Variants in IMPG2 observed in about 807,000 individuals in gnomAD.
IMPG2 encodes IPM 200.
In IMPG2, 91 loss-of-function variants were observed where a neutral mutation model predicts 129.2. That is an observed-to-expected ratio of 0.70 (90% CI 0.59 to 0.84). IMPG2 has a LOEUF of 0.84. Ranked by LOEUF, IMPG2 falls within the 40% of genes least tolerant of loss-of-function variation. The probability of loss-of-function intolerance (pLI) is 0.00; values close to 1 mark genes in which losing one functional copy is unlikely to be tolerated. For missense variants in IMPG2, 1,430 were observed against 1,461.7 expected (o/e 0.98, Z 0.35); for synonymous variants, 510 against 517.7 (o/e 0.99, Z 0.20).
At chr3:101,280,503 C>T (rs1284296566) in intron 4 of IMPG2, among the ~76,000 whole-genome samples, 1 of 152,062 alleles carries the variant, frequency 6.6e-6, no homozygotes, top group African/African-American at 2.4e-5. Flanking sequence ...TCCACGTCTG[C>T]CTATTTCAAG....
intron 4 of IMPG2, among the ~76,000 whole-genome samples, chr3:101,279,963 C>T (rs1036076131): frequency 3.9e-5 from 6 of 152,216 alleles, no homozygotes; most frequent in African/African-American, 1.4e-4. Context: ...AAGTATTCCC[C>T]CTGCAGAGAT....
intron 14 of IMPG2, among the ~76,000 whole-genome samples, chr3:101,234,282 A>T (rs1706322840): frequency 6.6e-6 from 1 of 151,626 alleles, no homozygotes. Flanking sequence ...AGACAAAGGC[A>T]GATATTAGAG....
chr3:101,230,970 C>T lies in IMPG2; in HGVS notation c.3409G>A (p.Glu1137Lys). ...LQAHHDRSER[E>K]SPFSGSSRQP... ...TTCCTTATTTACCTGAAGGGACTCT[C>T]TCTTTCACTCCTGTCATGGTGTGCT... is the stretch of plus-strand genomic sequence containing the variant. The change falls in exon 16 of 19, where the codon GAG (glutamate) becomes AAG (lysine). Residue 1137 changes from glutamate (E) to lysine (K), a missense_variant. Glu to Lys is a moderately conservative substitution (Grantham distance 56). Coordinates refer to ENST00000193391, the MANE Select transcript of IMPG2 (RefSeq NM_016247.4). 1.9e-6 allele frequency: 3 copies of T among 1,613,116 alleles called. No individual in the cohort carries two copies. Among genetic ancestry groups the T allele is most frequent in the Non-Finnish European group, 2.5e-6 (3 of 1,179,086 alleles).
intron 4 of IMPG2, among the ~76,000 whole-genome samples, chr3:101,290,191 C>T (rs1706990326): frequency 6.6e-6 from 1 of 152,056 alleles, no homozygotes; most frequent in African/African-American, 2.4e-5. Flanking sequence ...TCTCTGAGCT[C>T]TGCCTCTCTG....
At chr3:101,300,874 G>C (rs1201352088) in intron 3 of IMPG2, among the ~76,000 whole-genome samples, 1 of 152,212 alleles carries the variant, frequency 6.6e-6, no homozygotes, top group Non-Finnish European at 1.5e-5. Flanking sequence ...TTTGGTGCAA[G>C]AGACCTAGCT....
chr3:101,283,059 G>A (rs532156024), intron 4 of IMPG2, among the ~76,000 whole-genome samples: 11 of 152,290 alleles, frequency 7.2e-5, no homozygotes, highest in African/African-American at 2.6e-4. Flanking sequence ...TCACTCTGTT[G>A]TTGCCCAGGC....
intron 10 of IMPG2, among the ~76,000 whole-genome samples, chr3:101,256,632 G>A (rs114173048): frequency 0.021 from 3,210 of 152,162 alleles, 54 homozygotes; most frequent in Non-Finnish European, 0.029. Flanking sequence ...GGAAGGACAG[G>A]ACAGAGGCTC....
chr3:101,256,178 AAAGAAAGAAAG>A (rs1706602438), intron 10 of IMPG2, among the ~76,000 whole-genome samples: 1 of 149,704 alleles, frequency 6.7e-6, no homozygotes, highest in African/African-American at 2.5e-5. Context: ...AGAAAGAAAG[AAAGAAAGAAAG>A]AAAGAAAGAA....
chr3:101,274,055 T>C (rs1352695019), intron 6 of IMPG2, among the ~76,000 whole-genome samples: 1 of 152,112 alleles, frequency 6.6e-6, no homozygotes, highest in Non-Finnish European at 1.5e-5. Context: ...TAGCTGGGCA[T>C]GGTAGTATGC....
Position 101,223,805 on chromosome 3 carries a change from G to A in IMPG2, c.*3164C>T, listed in dbSNP as rs538826123. ...AATGCAGAAGAAGAAAACAGAAGGT[G>A]AGAATAAAATCAGGTAAAGCCTGCA... On this transcript the variant is annotated 3_prime_UTR_variant, in exon 19 of 19. Coordinates refer to ENST00000193391, the MANE Select transcript of IMPG2 (RefSeq NM_016247.4). 2 of 152,288 alleles carry A rather than the reference G, an allele frequency of 1.3e-5. No homozygotes were observed. The highest frequency in any genetic ancestry group is 2.4e-5 in the African/African-American group (1 of 41,560). 9.4% of individuals were successfully genotyped at this position (152,288 alleles called of 1,614,324 possible).
intron 9 of IMPG2, 44 bp from the exon 10 acceptor site, chr3:101,257,817 C>T: frequency 6.2e-7 from 1 of 1,608,906 alleles, no homozygotes; most frequent in Non-Finnish European, 8.5e-7. Context: ...GCTAAGGAAG[C>T]ACAAAGAAAG....
At chr3:101,256,217 G>GAAAGAAAGAACGAAC (rs1553682324) in intron 10 of IMPG2, among the ~76,000 whole-genome samples, 3 of 138,276 alleles carry the variant, frequency 2.2e-5, no homozygotes, top group African/African-American at 8.2e-5. Flanking sequence ...AAGAAAGAAA[G>GAAAGAAAGAACGAAC]AAAAAAATAT....
At chr3:101,256,460 T>G (rs1339839132) in intron 10 of IMPG2, among the ~76,000 whole-genome samples, 1 of 152,126 alleles carries the variant, frequency 6.6e-6, no homozygotes, top group Non-Finnish European at 1.5e-5. Flanking sequence ...AAAAAAATCT[T>G]GATTCCTATG....
At chr3:101,299,982 T>C (rs1559657288) in intron 3 of IMPG2, among the ~76,000 whole-genome samples, 1 of 152,198 alleles carries the variant, frequency 6.6e-6, no homozygotes, top group African/African-American at 2.4e-5. Flanking sequence ...TTGCCTAGAT[T>C]CCTCAGCACT....
intron 9 of IMPG2, among the ~76,000 whole-genome samples, chr3:101,264,952 C>A (rs1390927029): frequency 6.6e-6 from 1 of 151,502 alleles, no homozygotes; most frequent in Non-Finnish European, 1.5e-5. Flanking sequence ...ACAATAGCTA[C>A]AAGAAAAATA....
At chr3:101,298,055 G>T (rs1707098858) in intron 3 of IMPG2, among the ~76,000 whole-genome samples, 1 of 152,238 alleles carries the variant, frequency 6.6e-6, no homozygotes, top group Non-Finnish European at 1.5e-5. Context: ...AGGCATCCAA[G>T]AACTTGTTTT....
chr3:101,226,241 A>ATT lies in IMPG2; in HGVS notation c.*727_*728insAA, dbSNP rs1327094828. 8.4e-3 allele frequency: 101 copies of ATT among 12,034 alleles called. 3 individuals are homozygous for ATT. Among genetic ancestry groups the ATT allele is most frequent in the African/African-American group, 0.021 (98 of 4,600 alleles). The allele number at this position is 12,034 out of a possible 1,614,324, so 0.7% of individuals were successfully genotyped here. A position where few individuals can be genotyped will look rare whatever the true frequency, so the allele number is the denominator to read the frequency against. The stretch of plus-strand genomic sequence containing the variant: ...TTCTAAACTTTATATATATATATAT[A>ATT]TATATATATATATATATATATATAT... On this transcript the variant is annotated 3_prime_UTR_variant, in exon 19 of 19. Coordinates refer to ENST00000193391, the MANE Select transcript of IMPG2 (RefSeq NM_016247.4).
chr3:101,287,304 G>A (rs112677631), intron 4 of IMPG2, among the ~76,000 whole-genome samples: 31 of 152,256 alleles, frequency 2.0e-4, no homozygotes, highest in African/African-American at 7.0e-4. Flanking sequence ...TCATTAAAAT[G>A]ACCATACTGC....
At chr3:101,277,339 G>T (rs1706849271) in intron 4 of IMPG2, among the ~76,000 whole-genome samples, 1 of 152,116 alleles carries the variant, frequency 6.6e-6, no homozygotes. Context: ...CATTTAGTAG[G>T]CATTAAAAAT....
Sources: allele counts gnomAD v4.1 joint callset (sites outside exome capture counted in the v4.1 genomes callset), GRCh38; gene constraint gnomAD v4.1.1; transcripts MANE v1.5; gene names NCBI Gene and HGNC (gene_info 2026-07-23, HGNC 2026-07-21).